Variants in TDRD9 observed in about 807,000 individuals in gnomAD.
TDRD9 encodes tudor domain containing 9.
A neutral mutation model predicts 172.6 loss-of-function variants in TDRD9; 124 were observed. That is an observed-to-expected ratio of 0.72 (90% CI 0.62 to 0.83). The LOEUF (loss-of-function observed/expected upper bound fraction) is 0.83. TDRD9 is among the 40% of genes least tolerant of loss of function. TDRD9 has a pLI of 0.00. For missense variants in TDRD9, 1,479 were observed against 1,714.1 expected (o/e 0.86, Z 2.42); for synonymous variants, 619 against 617.1 (o/e 1.00, Z -0.05).
At chr14:103,962,412 T>C (rs72712889) in intron 2 of TDRD9, among the ~76,000 whole-genome samples, 58,392 of 152,082 alleles carry the variant, frequency 0.38, 11,424 homozygotes, top group African/African-American at 0.43. Flanking sequence ...GTGGCTGTGA[T>C]GGAGGGATAG....
At chr14:103,988,752 G>T (rs551163949) in intron 8 of TDRD9, among the ~76,000 whole-genome samples, 1 of 150,106 alleles carries the variant, frequency 6.7e-6, no homozygotes, top group South Asian at 2.1e-4. Flanking sequence ...GGGTACAGTG[G>T]AGTGATCATG....
intron 1 of TDRD9, among the ~76,000 whole-genome samples, chr14:103,937,688 G>A (rs185484656): frequency 8.5e-5 from 13 of 152,254 alleles, no homozygotes; most frequent in African/African-American, 2.9e-4. Context: ...CATGGGTGGT[G>A]CTGTCATTTA....
chr14:104,049,645 C>T lies in TDRD9; in HGVS notation c.4012C>T (p.Pro1338Ser). 6.3e-7 allele frequency: 1 copy of T among 1,588,938 alleles called. No homozygotes were observed. The highest frequency in any genetic ancestry group is 8.6e-7 in the Non-Finnish European group (1 of 1,167,806). ...GTCAAAACCAAGGGAGAAGATTGTTCCCAAGTGGCATGAAAAGCCCTACGA... is the reference window on the plus strand; with the variant it reads ...GTCAAAACCAAGGGAGAAGATTGTTTCCAAGTGGCATGAAAAGCCCTACGA... ...CQSKPREKIV[P>S]KWHEKPYEWN... Residue 1338 changes from proline to serine, a missense_variant, in exon 35 of 36, where the codon CCC (proline) becomes TCC (serine). Physicochemically the swap from Pro to Ser is moderately conservative, Grantham distance 74 (BLOSUM62 -1). Transcript: ENST00000409874.
At chr14:103,955,851 T>G in intron 2 of TDRD9, 81 bp downstream of exon 2, 2 of 1,187,672 alleles carry the variant, frequency 1.7e-6, no homozygotes, top group South Asian at 2.9e-5. Flanking sequence ...AGTGCATGCC[T>G]GTAATTCCAG....
At chr14:104,008,831 A>C (rs1395238804) in intron 20 of TDRD9, among the ~76,000 whole-genome samples, 1 of 152,190 alleles carries the variant, frequency 6.6e-6, no homozygotes, top group Non-Finnish European at 1.5e-5. Context: ...AGAGGTTTGC[A>C]TGAGCCTGGG....
At chr14:104,023,846 C>T in intron 24 of TDRD9, among the ~76,000 whole-genome samples, 1 of 152,158 alleles carries the variant, frequency 6.6e-6, no homozygotes, top group Admixed American at 6.5e-5. Flanking sequence ...GTAGAGAAGG[C>T]CTGTCCTGCT....
intron 3 of TDRD9, among the ~76,000 whole-genome samples, chr14:103,964,348 A>G (rs2032640791): frequency 6.6e-6 from 1 of 152,246 alleles, no homozygotes; most frequent in African/African-American, 2.4e-5. Context: ...TCTCATGTTC[A>G]GTAGAATTAT....
intron 34 of TDRD9, among the ~76,000 whole-genome samples, chr14:104,044,526 C>T (rs184059776): frequency 8.5e-5 from 13 of 152,274 alleles, no homozygotes; most frequent in African/African-American, 2.9e-4. Context: ...ATATATTTGC[C>T]TTCTCTGACA....
rs1007445127 is a variant in TDRD9 at position 104,028,442 on chromosome 14, G to A, written c.3282+1503G>A. On this transcript the variant is annotated intron_variant, in intron 28 of 35. Coordinates refer to ENST00000409874, the MANE Select transcript of TDRD9 (RefSeq NM_153046.3). ...TTGATTTGAATTTCCCTGATAATTA[G>A]TGATGTTGATCATTTTTCATATATT... Among the ~76,000 whole-genome samples the A allele has an allele frequency of 2.0e-4, 30 of 152,270 alleles. 1 individual carries two copies. Among genetic ancestry groups the A allele is most frequent in the East Asian group, 7.7e-4 (4 of 5,192 alleles).
In TDRD9 at chr14:103,966,846, C is replaced by T; in HGVS notation, c.765+15C>T. ...TCATTGATGAAGTAAGTGATGTCAT[C>T]TACTTGTAAAGGTCATATTTATCTC... On this transcript the variant is annotated intron_variant, in intron 5 of 35. Coordinates refer to ENST00000409874, the MANE Select transcript of TDRD9 (RefSeq NM_153046.3). 1.3e-6 allele frequency: 2 copies of T among 1,546,568 alleles called. No individual in the cohort carries two copies. The highest frequency in any genetic ancestry group is 1.2e-5 in the South Asian group (1 of 83,250).
At chr14:103,948,706 C>G (rs1327927496) in intron 1 of TDRD9, among the ~76,000 whole-genome samples, 1 of 152,042 alleles carries the variant, frequency 6.6e-6, no homozygotes, top group Non-Finnish European at 1.5e-5. Flanking sequence ...AAGCCAGTCA[C>G]AAAAGGACAG....
At chr14:103,945,966 C>CT (rs1418667455) in intron 1 of TDRD9, among the ~76,000 whole-genome samples, 12 of 133,760 alleles carry the variant, frequency 9.0e-5, no homozygotes, top group Admixed American at 7.5e-4. Flanking sequence ...TCATATCTTT[C>CT]TGTTTTTTTT....
In TDRD9 at chr14:103,966,766, GTCC is replaced by G; in HGVS notation, c.702_704del (p.Leu236del). The stretch of plus-strand genomic sequence containing the variant: ...CAGGCTAATTTATATGACAACTGGA[GTCC>G]TGCTTCAGAAAATAGTTAGTGCCAA... On this transcript the variant is annotated inframe_deletion, in exon 5 of 36. Coordinates refer to ENST00000409874, the MANE Select transcript of TDRD9 (RefSeq NM_153046.3). 2 of 1,551,004 alleles carry G rather than the reference GTCC, an allele frequency of 1.3e-6. No homozygotes were observed. The highest frequency in any genetic ancestry group is 1.7e-6 in the Non-Finnish European group (2 of 1,146,740).
At chr14:104,026,410 A>G (rs1258513974) in intron 27 of TDRD9, among the ~76,000 whole-genome samples, 1 of 152,208 alleles carries the variant, frequency 6.6e-6, no homozygotes, top group Non-Finnish European at 1.5e-5. Context: ...AACCAGACAG[A>G]CTTTTTAGGT....
intron 7 of TDRD9, among the ~76,000 whole-genome samples, chr14:103,981,169 A>G (rs1450025508): frequency 6.6e-6 from 1 of 152,136 alleles, no homozygotes; most frequent in Non-Finnish European, 1.5e-5. Flanking sequence ...GGTCTCCTAA[A>G]GTGCTGGGAT....
chr14:104,019,704 G>A (rs1369830780), intron 23 of TDRD9, among the ~76,000 whole-genome samples: 2 of 152,172 alleles, frequency 1.3e-5, no homozygotes, highest in Non-Finnish European at 2.9e-5. Context: ...AGGTGCCAAG[G>A]GCGCATGGGC....
At chr14:103,945,631 A>G (rs780113017) in intron 1 of TDRD9, 8 of 152,256 alleles carry the variant, frequency 5.3e-5, no homozygotes, top group Non-Finnish European at 1.0e-4. Flanking sequence ...TGTGGACGAC[A>G]TAAAGCTTAA....
intron 24 of TDRD9, 146 bp downstream of exon 24, chr14:104,022,476 C>T (rs1295451359): frequency 2.4e-6 from 2 of 835,802 alleles, no homozygotes; most frequent in Non-Finnish European, 3.7e-6. Context: ...GCCACTCATC[C>T]AGCACTTTGC....
intron 7 of TDRD9, among the ~76,000 whole-genome samples, chr14:103,982,305 T>C (rs2033503200): frequency 6.6e-6 from 1 of 152,212 alleles, no homozygotes; most frequent in Admixed American, 6.5e-5. Flanking sequence ...GTGGACTCTC[T>C]CATTCTCTAC....
Sources: gnomAD v4.1 joint callset for allele counts (sites outside exome capture counted in the v4.1 genomes callset) on GRCh38, gnomAD v4.1.1 for gene constraint, MANE v1.5 for transcripts, NCBI Gene and HGNC (gene_info 2026-07-23, HGNC 2026-07-21) for gene names.